CHST8: variants seen among roughly 807,000 people sequenced by gnomAD.
CHST8 encodes GALNAC-4-ST1.
CHST8 carries 10 observed loss-of-function variants against 15.0 expected under a neutral mutation model. The ratio of observed to expected loss-of-function variants is 0.67; its 90% CI spans 0.41 to 1.13. The LOEUF is 1.13. Ranked by LOEUF, CHST8 falls within the 50% of genes most tolerant of loss-of-function variation. The pLI, the probability that CHST8 is intolerant of heterozygous loss-of-function variation, is 0.00. For synonymous variants in CHST8, 259 were observed against 256.6 expected (o/e 1.01, Z -0.09); for missense variants, 634 against 608.2 (o/e 1.04, Z -0.45).
chr19:33,637,207 T>A (rs1210779607), intron 1 of CHST8, among the ~76,000 whole-genome samples: 2 of 152,118 alleles, frequency 1.3e-5, no homozygotes, highest in African/African-American at 4.8e-5. Flanking sequence ...ATCAGCAATG[T>A]CTTTATGACC....
chr19:33,753,042 G>C (rs943283119), intron 3 of CHST8, among the ~76,000 whole-genome samples: 5 of 152,242 alleles, frequency 3.3e-5, no homozygotes, highest in Admixed American at 2.6e-4. Context: ...CAGCCAGGGG[G>C]GTGCACTGGG....
At chr19:33,628,026 C>T (rs933647821) in intron 1 of CHST8, among the ~76,000 whole-genome samples, 2 of 152,072 alleles carry the variant, frequency 1.3e-5, no homozygotes, top group African/African-American at 4.8e-5. Flanking sequence ...ACTATGAGAC[C>T]TACCAAAGAG....
At chr19:33,664,766 A>G (rs1972633097) in intron 1 of CHST8, among the ~76,000 whole-genome samples, 1 of 151,818 alleles carries the variant, frequency 6.6e-6, no homozygotes, top group African/African-American at 2.4e-5. Flanking sequence ...TCCCCTTCCC[A>G]GCCTCTGGTT....
At chr19:33,676,735 G>C (rs1972814941) in intron 2 of CHST8, among the ~76,000 whole-genome samples, 1 of 151,570 alleles carries the variant, frequency 6.6e-6, no homozygotes, top group South Asian at 2.1e-4. Context: ...AAATTAGCTG[G>C]GTGTTATAGC....
At chr19:33,681,831 C>A (rs1277473161) in intron 2 of CHST8, among the ~76,000 whole-genome samples, 3 of 151,742 alleles carry the variant, frequency 2.0e-5, no homozygotes, top group African/African-American at 7.3e-5. Context: ...CATCCAGATG[C>A]CTTGTTCAAG....
intron 3 of CHST8, among the ~76,000 whole-genome samples, chr19:33,728,330 T>G (rs976227103): frequency 2.0e-5 from 3 of 152,244 alleles, no homozygotes; most frequent in African/African-American, 7.2e-5. Flanking sequence ...ATGCTGCTTT[T>G]GGGGCGGCTT....
chr19:33,633,078 G>A (rs964313997), intron 1 of CHST8, among the ~76,000 whole-genome samples: 4 of 152,240 alleles, frequency 2.6e-5, no homozygotes, highest in Admixed American at 6.5e-5. Flanking sequence ...TGATCCACCC[G>A]CCTCGGTCTC....
At chr19:33,645,659 T>G (rs1972345281) in intron 1 of CHST8, among the ~76,000 whole-genome samples, 1 of 152,040 alleles carries the variant, frequency 6.6e-6, no homozygotes, top group Non-Finnish European at 1.5e-5. Context: ...CATACAGGAT[T>G]TAGGATGTCC....
chr19:33,655,728 T>G (rs1001962635), intron 1 of CHST8, among the ~76,000 whole-genome samples: 1 of 152,200 alleles, frequency 6.6e-6, no homozygotes, highest in Non-Finnish European at 1.5e-5. Flanking sequence ...TATAAATTTT[T>G]TTTGCATCTC....
chr19:33,738,644 C>T (rs543543017), intron 3 of CHST8, among the ~76,000 whole-genome samples: 51 of 152,254 alleles, frequency 3.3e-4, no homozygotes, highest in African/African-American at 1.2e-3. Context: ...GGCTGGAGTG[C>T]AGTGGTACGA....
At chr19:33,736,842 C>T (rs1174823411) in intron 3 of CHST8, among the ~76,000 whole-genome samples, 1 of 152,130 alleles carries the variant, frequency 6.6e-6, no homozygotes, top group Non-Finnish European at 1.5e-5. Context: ...CACTGCCATT[C>T]TGAGATAGGA....
intron 3 of CHST8, among the ~76,000 whole-genome samples, chr19:33,709,624 A>AT (rs780089115): frequency 0.015 from 2,081 of 142,904 alleles, 25 homozygotes; most frequent in African/African-American, 0.038. Context: ...TTTGTTGTGG[A>AT]TTTTTTTTTT....
chr19:33,680,561 G>C (rs796664278), intron 2 of CHST8, among the ~76,000 whole-genome samples: 1 of 152,164 alleles, frequency 6.6e-6, no homozygotes, highest in African/African-American at 2.4e-5. Context: ...TAATCACCAC[G>C]TATCCACAGG....
At chr19:33,655,723 AT>A (rs1568316659) in intron 1 of CHST8, among the ~76,000 whole-genome samples, 1 of 151,646 alleles carries the variant, frequency 6.6e-6, no homozygotes, top group South Asian at 2.1e-4. Context: ...ATTTTTATAA[AT>A]TTTTTTTGCA....
chr19:33,747,754 T>C (rs1291726492), intron 3 of CHST8, among the ~76,000 whole-genome samples: 2 of 152,198 alleles, frequency 1.3e-5, no homozygotes, highest in South Asian at 2.1e-4. Context: ...TTCGTCTTTA[T>C]AGTGTTATAT....
chr19:33,721,473 A>G (rs1973787461), intron 3 of CHST8, among the ~76,000 whole-genome samples: 1 of 152,142 alleles, frequency 6.6e-6, no homozygotes, highest in Admixed American at 6.5e-5. Flanking sequence ...ATGGATGGAC[A>G]GATGGATGCA....
chr19:33,714,321 TA>T (rs112203123), intron 3 of CHST8, among the ~76,000 whole-genome samples: 5 of 152,046 alleles, frequency 3.3e-5, no homozygotes, highest in South Asian at 2.1e-4. Context: ...TATGCAGCCA[TA>T]AAAAAAGAAT....
intron 3 of CHST8, among the ~76,000 whole-genome samples, chr19:33,711,998 G>A (rs779225329): frequency 6.6e-6 from 1 of 152,184 alleles, no homozygotes; most frequent in East Asian, 1.9e-4. Context: ...CAACGTGGAA[G>A]TTTAGACAGG....
At chr19:33,673,145 C>A (rs538792199) in intron 2 of CHST8, among the ~76,000 whole-genome samples, 1 of 152,184 alleles carries the variant, frequency 6.6e-6, no homozygotes, top group African/African-American at 2.4e-5. Context: ...GGCCAATGTC[C>A]GGGTGTCGTG....
Sources: gnomAD v4.1 joint callset for allele counts (sites outside exome capture counted in the v4.1 genomes callset) on GRCh38, gnomAD v4.1.1 for gene constraint, MANE v1.5 for transcripts, NCBI Gene and HGNC (gene_info 2026-07-23, HGNC 2026-07-21) for gene names.